Variants in ARHGAP35 observed in about 807,000 individuals in gnomAD.
The protein encoded by ARHGAP35 is rho GTPase-activating protein 35.
In ARHGAP35, 15 loss-of-function variants were observed where a neutral mutation model predicts 111.1. The ratio of observed to expected loss-of-function variants is 0.13; its 90% CI spans 0.09 to 0.21. The LOEUF (loss-of-function observed/expected upper bound fraction) is 0.21, where lower values mean the gene tolerates loss of function less well. Ranked by LOEUF, ARHGAP35 falls within the 10% of genes least tolerant of loss-of-function variation. The pLI is 1.00. For synonymous variants in ARHGAP35, 643 were observed against 710.3 expected (o/e 0.91, Z 1.51); for missense variants, 1,262 against 1,873.0 (o/e 0.67, Z 6.02).
At position 47,003,403 on chromosome 19, in the gene ARHGAP35, T is replaced by TTG. The variant is rs2056758689; in HGVS notation, c.*2715_*2716insTG. ...AATGGGGACGTGGGGCAGCCACCCC[T>TTG]GCCCAGCGAGAGCGCAGACACCGTG... On this transcript the variant is annotated 3_prime_UTR_variant, in exon 7 of 7. Coordinates refer to ENST00000672722, the MANE Select transcript of ARHGAP35 (RefSeq NM_004491.5). 6.6e-6 allele frequency: 1 copy of TTG among 152,302 alleles called. No homozygotes were observed. The highest frequency in any genetic ancestry group is 1.5e-5 in the Non-Finnish European group (1 of 68,112). 9.4% of individuals were successfully genotyped at this position (152,302 alleles called of 1,614,324 possible). A position where few individuals can be genotyped will look rare whatever the true frequency, so the allele number is the denominator to read the frequency against.
rs372676106 is a variant in ARHGAP35 at position 46,921,099 on chromosome 19, C to T, written c.2424C>T (p.Thr808=). The stretch of plus-strand genomic sequence containing the variant: ...TTTTTCCTGTCCTTCAGTCCCAAAC[C>T]TGTAAATCTTCCCATTGTGGAAGCA... ...DILFPVLQSQ[T]CKSSHCGSNN... Residue 808 remains threonine, a synonymous_variant, in exon 2 of 7, where the codon ACC becomes ACT. Transcript: ENST00000672722. The surrounding 1 kb of genome is among the most constrained non-coding windows in gnomAD (Gnocchi z 4.3). 111 of 1,613,896 alleles carry T rather than the reference C, an allele frequency of 6.9e-5. No individual in the cohort carries two copies. Among genetic ancestry groups the T allele is most frequent in the Non-Finnish European group, 9.2e-5 (108 of 1,179,916 alleles).
rs892045458 is a variant in ARHGAP35 at position 46,960,685 on chromosome 19, T to G, written c.3826+23277T>G. On this transcript the variant is annotated intron_variant, in intron 3 of 6. Transcript: ENST00000672722. ...CTCAAAGTTACCTGCTATTAAGAGT[T>G]TAAATTGTACCTTCCAGAGCTTTCT... 1.6e-4 allele frequency among the ~76,000 whole-genome samples: 25 copies of G among 152,210 alleles called. 1 individual carries two copies. Among genetic ancestry groups the G allele is most frequent in the Non-Finnish European group, 1.5e-5 (1 of 68,040 alleles).
At chr19:46,975,479 C>T (rs538659074) in intron 3 of ARHGAP35, among the ~76,000 whole-genome samples, 8 of 152,110 alleles carry the variant, frequency 5.3e-5, no homozygotes, top group Non-Finnish European at 1.2e-4. Context: ...AATCCTGGGC[C>T]TGTGTGGGGC....
At chr19:46,867,043 A>G (rs2055861656) in intron 1 of ARHGAP35, among the ~76,000 whole-genome samples, 1 of 152,232 alleles carries the variant, frequency 6.6e-6, no homozygotes. Context: ...GGCTTCATCT[A>G]TAAAGAATTC....
intron 3 of ARHGAP35, among the ~76,000 whole-genome samples, chr19:46,963,059 T>G (rs1195545863): frequency 6.6e-6 from 1 of 152,186 alleles, no homozygotes; most frequent in Non-Finnish European, 1.5e-5. Context: ...TAAAGCAGAT[T>G]TCTGTTTCAT....
At chr19:46,995,495 C>T (rs2056702518) in intron 5 of ARHGAP35, among the ~76,000 whole-genome samples, 1 of 152,252 alleles carries the variant, frequency 6.6e-6, no homozygotes, top group African/African-American at 2.4e-5. Context: ...TCAGAGAGGG[C>T]TCTGCCGCGT....
intron 5 of ARHGAP35, among the ~76,000 whole-genome samples, chr19:46,995,688 G>A (rs914057368): frequency 4.6e-5 from 7 of 152,232 alleles, no homozygotes; most frequent in African/African-American, 1.7e-4. Flanking sequence ...CATGCACAGA[G>A]CACTGTGAAG....
Position 46,901,562 on chromosome 19 carries a change from C to CA in ARHGAP35, c.-188-16918dup, listed in dbSNP as rs994252476. ...GACAGAGCTTAGACTCTGTCTCACACAAAAAAAATGATCAAATCTGTTCTT... is the reference window on the plus strand; with the variant it reads ...GACAGAGCTTAGACTCTGTCTCACACAAAAAAAAATGATCAAATCTGTTCTT... On this transcript the variant is annotated intron_variant, in intron 1 of 6. Coordinates refer to ENST00000672722, the MANE Select transcript of ARHGAP35 (RefSeq NM_004491.5). The surrounding 1 kb of genome is among the most constrained non-coding windows in gnomAD (Gnocchi z 4.5). Among the ~76,000 whole-genome samples the CA allele has an allele frequency of 5.3e-5, 8 of 151,600 alleles. No individual in the cohort carries two copies. The highest frequency in any genetic ancestry group is 1.2e-4 in the African/African-American group (5 of 41,280).
chr19:46,866,591 T>A (rs1451994684), intron 1 of ARHGAP35, among the ~76,000 whole-genome samples: 2 of 152,190 alleles, frequency 1.3e-5, no homozygotes, highest in Non-Finnish European at 2.9e-5. Flanking sequence ...ACTTACCAAG[T>A]TAGAGTTGGA....
At chr19:46,905,240 AC>A (rs1330643776) in intron 1 of ARHGAP35, among the ~76,000 whole-genome samples, 1 of 152,012 alleles carries the variant, frequency 6.6e-6, no homozygotes, top group African/African-American at 2.4e-5. Flanking sequence ...AAAAGAAAAC[AC>A]TGTAGGTTGG....
intron 1 of ARHGAP35, among the ~76,000 whole-genome samples, chr19:46,869,634 A>G (rs1057382206): frequency 2.0e-5 from 3 of 152,300 alleles, no homozygotes; most frequent in African/African-American, 7.2e-5. Flanking sequence ...GAGACAAAGG[A>G]AAATGATTAC....
intron 1 of ARHGAP35, among the ~76,000 whole-genome samples, chr19:46,912,584 C>T (rs2056143266): frequency 6.6e-6 from 1 of 151,670 alleles, no homozygotes. Flanking sequence ...TCTTGATCTC[C>T]TGACTTCGTG....
intron 1 of ARHGAP35, among the ~76,000 whole-genome samples, chr19:46,913,910 A>G (rs1432662975): frequency 1.3e-5 from 2 of 152,160 alleles, no homozygotes; most frequent in African/African-American, 2.4e-5. Flanking sequence ...CTCTAAAGAC[A>G]TTGTGAAGTC....
In ARHGAP35 at chr19:46,999,387, T is replaced by G; in HGVS notation, c.4120T>G (p.Tyr1374Asp). 1 of 1,587,668 alleles carries G rather than the reference T, an allele frequency of 6.3e-7. No homozygotes were observed. Among genetic ancestry groups the G allele is most frequent in the Non-Finnish European group, 8.6e-7 (1 of 1,166,772 alleles). ...AAAGGAAAACCACGAAGTCTTCAAG[T>G]ATGTCATCTCTCACCTAAACAAGTA... is the stretch of plus-strand genomic sequence containing the variant. ...FPKENHEVFK[Y>D]VISHLNKVSH... The change falls in exon 6 of 7, where the codon TAT (tyrosine) becomes GAT (aspartate). Residue 1374 changes from tyrosine to aspartate, a missense_variant. By Grantham distance (160) the Tyr-to-Asp change is radical (BLOSUM62 -3). This residue lies in a region of ARHGAP35 where 50 missense variants were observed against 60.5 expected (regional missense o/e 0.83). Transcript: ENST00000672722. This position sits in a 1 kb window ranked among gnomAD's most constrained non-coding sequence, Gnocchi z 5.4.
intron 1 of ARHGAP35, among the ~76,000 whole-genome samples, chr19:46,884,003 C>T (rs56666306): frequency 0.02 from 3,035 of 152,078 alleles, 109 homozygotes; most frequent in African/African-American, 0.068. Flanking sequence ...TGCAGTGAGC[C>T]GAGATTGCGC....
intron 3 of ARHGAP35, among the ~76,000 whole-genome samples, chr19:46,978,832 G>A (rs1599861331): frequency 7.6e-6 from 1 of 131,444 alleles, no homozygotes; most frequent in Admixed American, 7.5e-5. Flanking sequence ...TTTGTGTGGT[G>A]GGGGATTTGT....
At position 47,001,375 on chromosome 19, in the gene ARHGAP35, G is replaced by C; in HGVS notation, c.*687G>C. On this transcript the variant is annotated 3_prime_UTR_variant, in exon 7 of 7. Coordinates refer to ENST00000672722, the MANE Select transcript of ARHGAP35 (RefSeq NM_004491.5). The surrounding 1 kb of genome is among the most constrained non-coding windows in gnomAD (Gnocchi z 5.4). ...TTCCCTGGCAAACAAAGGAACACTA[G>C]GAGAAAAAATGGAAAAACCCTTCCA... 1 of 1,289,956 alleles carries C rather than the reference G, an allele frequency of 7.8e-7. No homozygotes were observed. Among genetic ancestry groups the C allele is most frequent in the Non-Finnish European group, 1.0e-6 (1 of 988,928 alleles). 79.9% of individuals were successfully genotyped at this position (1,289,956 alleles called of 1,614,324 possible).
chr19:46,892,334 G>A (rs530481671), intron 1 of ARHGAP35, among the ~76,000 whole-genome samples: 48 of 150,064 alleles, frequency 3.2e-4, no homozygotes, highest in Admixed American at 2.3e-3. Flanking sequence ...AAAAAGCCAG[G>A]TGTGCTGGCA....
At chr19:46,970,201 C>A (rs1042513063) in intron 3 of ARHGAP35, among the ~76,000 whole-genome samples, 1 of 152,158 alleles carries the variant, frequency 6.6e-6, no homozygotes, top group African/African-American at 2.4e-5. Flanking sequence ...CAACATTTTT[C>A]TTTTTCCTTA....
Sources: allele counts gnomAD v4.1 joint callset (sites outside exome capture counted in the v4.1 genomes callset), GRCh38; gene constraint gnomAD v4.1.1; regional missense constraint gnomAD v4.1.1; non-coding constraint Gnocchi (gnomAD v3.1); transcripts MANE v1.5; gene names NCBI Gene and HGNC (gene_info 2026-07-23, HGNC 2026-07-21).